Variants in PBX3 observed in about 807,000 individuals in gnomAD.
The protein encoded by PBX3 is pre-B-cell leukemia transcription factor 3.
PBX3 carries 14 observed loss-of-function variants against 48.5 expected under a neutral mutation model. The observed-to-expected ratio is 0.29, with a 90% CI of 0.19 to 0.45. The LOEUF (loss-of-function observed/expected upper bound fraction) is 0.45. PBX3 is among the 20% of genes least tolerant of loss of function. The pLI is 1.00. For missense variants in PBX3, 386 were observed against 546.7 expected (o/e 0.71, Z 2.93); for synonymous variants, 210 against 200.3 (o/e 1.05, Z -0.41).
chr9:125,887,122 A>T (rs896239554), intron 2 of PBX3, among the ~76,000 whole-genome samples: 2 of 152,148 alleles, frequency 1.3e-5, no homozygotes, highest in African/African-American at 2.4e-5. Flanking sequence ...CACAAGATAA[A>T]TAACCCAGCC....
At chr9:125,930,516 A>G (rs976931390) in intron 4 of PBX3, among the ~76,000 whole-genome samples, 1 of 152,222 alleles carries the variant, frequency 6.6e-6, no homozygotes, top group Non-Finnish European at 1.5e-5. Flanking sequence ...GGGCATTGCT[A>G]AAGCTTATGA....
intron 2 of PBX3, among the ~76,000 whole-genome samples, chr9:125,784,744 A>C (rs1236667286): frequency 6.6e-6 from 1 of 152,204 alleles, no homozygotes; most frequent in Non-Finnish European, 1.5e-5. Flanking sequence ...AAGGGAAAGA[A>C]AAAACCCCTT....
intron 2 of PBX3, among the ~76,000 whole-genome samples, chr9:125,786,150 C>T (rs113418532): frequency 6.1e-4 from 93 of 152,234 alleles, no homozygotes; most frequent in African/African-American, 2.1e-3. Flanking sequence ...GTTTGAGGTA[C>T]TATGAGAAGG....
chr9:125,806,119 T>C (rs1299682524), intron 2 of PBX3, among the ~76,000 whole-genome samples: 2 of 152,188 alleles, frequency 1.3e-5, no homozygotes, highest in African/African-American at 4.8e-5. Flanking sequence ...GAGACCAGCC[T>C]TACTTGAGAA....
intron 2 of PBX3, among the ~76,000 whole-genome samples, chr9:125,860,133 A>G (rs1447637501): frequency 2.6e-5 from 4 of 152,218 alleles, no homozygotes; most frequent in Admixed American, 1.3e-4. Context: ...GGCTCCGCTC[A>G]TTGTAGTCAC....
chr9:125,859,934 T>C (rs935502739), intron 2 of PBX3, among the ~76,000 whole-genome samples: 11 of 152,232 alleles, frequency 7.2e-5, no homozygotes, highest in Admixed American at 5.2e-4. Context: ...GAAGTAGCTA[T>C]GTACTGTCCT....
chr9:125,905,210 A>G (rs1312481198), intron 2 of PBX3, among the ~76,000 whole-genome samples: 4 of 151,952 alleles, frequency 2.6e-5, no homozygotes, highest in Non-Finnish European at 5.9e-5. Context: ...ATTTTCAGCA[A>G]TCTTAATGTT....
intron 2 of PBX3, among the ~76,000 whole-genome samples, chr9:125,764,903 C>T (rs934405054): frequency 1.2e-4 from 18 of 152,118 alleles, no homozygotes; most frequent in African/African-American, 3.6e-4. Context: ...TCTAGATATT[C>T]TGTTACCTCT....
chr9:125,890,978 A>G (rs1296791910), intron 2 of PBX3, among the ~76,000 whole-genome samples: 1 of 152,250 alleles, frequency 6.6e-6, no homozygotes, highest in Non-Finnish European at 1.5e-5. Flanking sequence ...AAAAGGAACT[A>G]GGCCATCCTT....
At chr9:125,825,076 G>C (rs1248390069) in intron 2 of PBX3, among the ~76,000 whole-genome samples, 2 of 152,160 alleles carry the variant, frequency 1.3e-5, no homozygotes, top group African/African-American at 4.8e-5. Flanking sequence ...TTGAGCTCAG[G>C]AGTTCGAGAC....
chr9:125,802,925 C>A (rs11794655), intron 2 of PBX3, among the ~76,000 whole-genome samples: 2 of 151,194 alleles, frequency 1.3e-5, no homozygotes, highest in Admixed American at 6.6e-5. Flanking sequence ...GTGATCTGCC[C>A]GCCTCGGCCT....
At chr9:125,943,217 G>A (rs376133581) in intron 5 of PBX3, among the ~76,000 whole-genome samples, 4 of 151,660 alleles carry the variant, frequency 2.6e-5, no homozygotes, top group South Asian at 2.1e-4. Context: ...TTAGCCGGGC[G>A]TGGTGGCACA....
At chr9:125,963,405 T>C (rs1482177812) in intron 8 of PBX3, among the ~76,000 whole-genome samples, 1 of 152,116 alleles carries the variant, frequency 6.6e-6, no homozygotes, top group African/African-American at 2.4e-5. Context: ...AAACAGGTCA[T>C]TTATCTTAGA....
chr9:125,781,864 C>G (rs1257264122), intron 2 of PBX3, among the ~76,000 whole-genome samples: 1 of 151,458 alleles, frequency 6.6e-6, no homozygotes, highest in African/African-American at 2.4e-5. Flanking sequence ...ATTGCTTTTG[C>G]TATATAAGTT....
intron 2 of PBX3, among the ~76,000 whole-genome samples, chr9:125,828,940 A>G (rs930397564): frequency 6.6e-6 from 1 of 152,220 alleles, no homozygotes; most frequent in African/African-American, 2.4e-5. Flanking sequence ...TCAATGAGAA[A>G]ATGCCTTATA....
chr9:125,896,600 T>G (rs956693417), intron 2 of PBX3, among the ~76,000 whole-genome samples: 10 of 152,108 alleles, frequency 6.6e-5, no homozygotes, highest in African/African-American at 2.4e-4. Context: ...TTGGCTGTTA[T>G]GGTTAGGATG....
At chr9:125,783,462 A>G (rs1350680048) in intron 2 of PBX3, among the ~76,000 whole-genome samples, 2 of 151,604 alleles carry the variant, frequency 1.3e-5, no homozygotes, top group African/African-American at 2.4e-5. Flanking sequence ...TAATTTTTGT[A>G]TTTTTAGTAG....
chr9:125,916,457 G>T (rs1042334659), intron 3 of PBX3, among the ~76,000 whole-genome samples: 4 of 152,036 alleles, frequency 2.6e-5, no homozygotes, highest in African/African-American at 9.7e-5. Flanking sequence ...GATAATTATG[G>T]GTACCCCAGG....
intron 2 of PBX3, among the ~76,000 whole-genome samples, chr9:125,820,346 T>C (rs1838614728): frequency 6.6e-6 from 1 of 152,218 alleles, no homozygotes; most frequent in African/African-American, 2.4e-5. Context: ...TGCTTGTTTC[T>C]ATTCAGCACT....
Sources: allele counts gnomAD v4.1 joint callset (sites outside exome capture counted in the v4.1 genomes callset), GRCh38; gene constraint gnomAD v4.1.1; transcripts MANE v1.5; gene names NCBI Gene and HGNC (gene_info 2026-07-23, HGNC 2026-07-21).